TNFRSF25: variants seen among roughly 807,000 people sequenced by gnomAD.
TNFRSF25 encodes the protein tumor necrosis factor receptor superfamily member 25.
A neutral mutation model predicts 49.4 loss-of-function variants in TNFRSF25; 28 were observed. That is an observed-to-expected ratio of 0.57 (90% CI 0.42 to 0.78). The LOEUF is 0.78. Among genes scored for constraint, TNFRSF25 ranks in the 30% least tolerant of loss-of-function variants. The pLI is 0.00. For synonymous variants in TNFRSF25, 240 were observed against 234.2 expected (o/e 1.02, Z -0.23); for missense variants, 531 against 581.6 (o/e 0.91, Z 0.90).
At position 6,466,111 on chromosome 1, in the gene TNFRSF25, C is replaced by A. The variant is rs371034865; in HGVS notation, c.-4G>T. 1.8e-4 allele frequency: 272 copies of A among 1,545,340 alleles called. 1 individual carries two copies. The highest frequency in any genetic ancestry group is 2.0e-4 in the Non-Finnish European group (233 of 1,150,568). ...AGCCCCGCGGCCGCTGCTCCATAGC[C>A]CTCCGACGGGCGCCCAGGGGCTTCC... On this transcript the variant is annotated 5_prime_UTR_variant, in exon 1 of 10. Coordinates refer to ENST00000356876, the MANE Select transcript of TNFRSF25 (RefSeq NM_003790.3).
chr1:6,465,582 C>G (rs1350911964), intron 1 of TNFRSF25, 22 bp from the exon 2 acceptor site: 1 of 1,608,152 alleles, frequency 6.2e-7, no homozygotes, highest in East Asian at 2.2e-5. Context: ...GTGCTGCTGA[C>G]TCTCAGCGCA....
In TNFRSF25 at chr1:6,462,620, G is replaced by C. The variant is rs202239674; in HGVS notation, c.744+9C>G. 3 of 1,612,854 alleles carry C rather than the reference G, an allele frequency of 1.9e-6. No individual in the cohort carries two copies. Among genetic ancestry groups the C allele is most frequent in the Non-Finnish European group, 2.5e-6 (3 of 1,179,424 alleles). ...AAGGCAGCCCAGAATCACACAGTGA[G>C]GTTCTTACCGGTGGTGGGGTCAGAG... is the stretch of plus-strand genomic sequence containing the variant. On this transcript the variant is annotated intron_variant, in intron 8 of 9. Coordinates refer to ENST00000356876, the MANE Select transcript of TNFRSF25 (RefSeq NM_003790.3). The surrounding 1 kb of genome is among the most constrained non-coding windows in gnomAD (Gnocchi z 4.2).
rs376420075 is a variant in TNFRSF25 at position 6,462,616 on chromosome 1, G to A, written c.744+13C>T. 31 of 1,612,418 alleles carry A rather than the reference G, an allele frequency of 1.9e-5. No homozygotes were observed. In the South Asian group the frequency reaches 3.1e-4, roughly 16 times the overall value. ...CCAGAAGGCAGCCCAGAATCACACA[G>A]TGAGGTTCTTACCGGTGGTGGGGTC... On this transcript the variant is annotated intron_variant, in intron 8 of 9. Coordinates refer to ENST00000356876, the MANE Select transcript of TNFRSF25 (RefSeq NM_003790.3). This position sits in a 1 kb window ranked among gnomAD's most constrained non-coding sequence, Gnocchi z 4.2.
chr1:6,461,875 C>T lies in TNFRSF25; in HGVS notation c.926-113G>A. On this transcript the variant is annotated intron_variant, in intron 9 of 9. Transcript: ENST00000356876. This position sits in a 1 kb window ranked among gnomAD's most constrained non-coding sequence, Gnocchi z 6.3. ...CTGAAGCCCGCTGGATCCGGTGGGT[C>T]AGGGCATAGGGCGGACTCCGTCAGT... is the stretch of plus-strand genomic sequence containing the variant. 1.4e-6 allele frequency: 2 copies of T among 1,462,792 alleles called. No individual in the cohort carries two copies. Among genetic ancestry groups the T allele is most frequent in the East Asian group, 2.4e-5 (1 of 40,954 alleles). 90.6% of individuals were successfully genotyped at this position (1,462,792 alleles called of 1,614,324 possible).
intron 1 of TNFRSF25, 129 bp downstream of exon 1, chr1:6,465,940 G>A (rs1048699911): frequency 8.9e-6 from 13 of 1,456,850 alleles, no homozygotes; most frequent in African/African-American, 1.5e-5. Context: ...CCTTTAACGA[G>A]ATCGGAAAGG....
rs147457839 is a variant in TNFRSF25, at chr1:6,464,571, G to C, written c.444C>G (p.His148Gln). Residue 148 changes from histidine to glutamine, a missense_variant, in exon 4 of 10, where the codon CAC becomes CAG. Coordinates refer to ENST00000356876, the MANE Select transcript of TNFRSF25 (RefSeq NM_003790.3). The part of the protein sequence containing the change: ...CQPCLDCGAL[H>Q]RHTRLLCSRR... The stretch of plus-strand genomic sequence containing the variant: ...ACTCACAGAGTAGCCGTGTGTGGCG[G>C]TGCAGGGCCCCGCAGTCTAGGCATG... 12 of 1,614,064 alleles carry C rather than the reference G, an allele frequency of 7.4e-6. No individual in the cohort carries two copies. Among genetic ancestry groups the C allele is most frequent in the Non-Finnish European group, 9.3e-6 (11 of 1,180,044 alleles).
rs374954406 is a variant in TNFRSF25 at position 6,461,722 on chromosome 1, G to C, written c.966C>G (p.Ala322=). The part of the protein sequence containing the change: ...AAPTLSPESP[A]GSPAMMLQPG... ...GCTGCAGCATCATGGCTGGCGAGCC[G>C]GCTGGGGACTCTGGCGAGAGTGTGG... The change falls in exon 10 of 10, where the codon GCC becomes GCG. Residue 322 remains alanine (A), a synonymous_variant. Coordinates refer to ENST00000356876, the MANE Select transcript of TNFRSF25 (RefSeq NM_003790.3). This position sits in a 1 kb window ranked among gnomAD's most constrained non-coding sequence, Gnocchi z 6.3. 4.8e-5 allele frequency: 74 copies of C among 1,552,854 alleles called. No individual in the cohort carries two copies. The highest frequency in any genetic ancestry group is 6.0e-5 in the Non-Finnish European group (69 of 1,155,390).
At chr1:6,465,664 GC>G (rs1644336120) in intron 1 of TNFRSF25, 104 bp from the exon 2 acceptor site, 2 of 1,494,856 alleles carry the variant, frequency 1.3e-6, no homozygotes, top group Non-Finnish European at 1.8e-6. Context: ...CCACAGAGCA[GC>G]CCACTTCCCA....
At position 6,462,006 on chromosome 1, in the gene TNFRSF25, TG is replaced by T. The variant is rs1320360730; in HGVS notation, c.912del (p.Ser305AlafsTer23). ...PQVTWSWDQL[P>X]SRALGPAAAP... is the part of the protein sequence containing the mutation. ...TGATGTCCCTTACCAAGAGCTCTGC[TG>T]GGCAACTGGTCCCAGGACCATGTCA... is the stretch of plus-strand genomic sequence containing the variant. On this transcript the variant is annotated frameshift_variant, in exon 9 of 10. Transcript: ENST00000356876. LOFTEE classifies it low-confidence loss of function (END_TRUNC). This position sits in a 1 kb window ranked among gnomAD's most constrained non-coding sequence, Gnocchi z 4.2. 5.6e-6 allele frequency: 9 copies of T among 1,609,232 alleles called. No homozygotes were observed. Among genetic ancestry groups the T allele is most frequent in the Non-Finnish European group, 6.8e-6 (8 of 1,178,504 alleles).
chr1:6,465,757 G>A (rs1483403321), intron 1 of TNFRSF25, 197 bp from the exon 2 acceptor site: 2 of 1,427,978 alleles, frequency 1.4e-6, no homozygotes, highest in Non-Finnish European at 1.8e-6. Context: ...TTCGGAGGGG[G>A]CGCTTACCAG....
rs1471851463 is a variant in TNFRSF25, at chr1:6,464,469, GGCAT to G, written c.464-20_464-17del. 6.2e-7 allele frequency: 1 copy of G among 1,611,580 alleles called. No individual in the cohort carries two copies. Among genetic ancestry groups the G allele is most frequent in the South Asian group, 1.1e-5 (1 of 90,590 alleles). On this transcript the variant is annotated splice_polypyrimidine_tract_variant and intron_variant, in intron 4 of 9. Coordinates refer to ENST00000356876, the MANE Select transcript of TNFRSF25 (RefSeq NM_003790.3). Reference sequence around the variant, plus strand: ...CTGCGGGAACCTGCAATCCAGGAGAGGCATGCGTCACCATGGGACAGGAGTGGGT... The same window carrying G: ...CTGCGGGAACCTGCAATCCAGGAGAGGCGTCACCATGGGACAGGAGTGGGT...
In TNFRSF25 at chr1:6,461,547, G is replaced by C; in HGVS notation, c.1141C>G (p.Arg381Gly). ...CCCGCGGGCTGCTGCTGGCGCCAGC[G>C]CTTGAGCATCTCGTACTGCTGGTCT... ...FRDQQYEMLK[R>G]WRQQQPAGLG... The change falls in exon 10 of 10, where the codon CGC becomes GGC. Residue 381 changes from arginine (R) to glycine (G), a missense_variant. Coordinates refer to ENST00000356876, the MANE Select transcript of TNFRSF25 (RefSeq NM_003790.3). The surrounding 1 kb of genome is among the most constrained non-coding windows in gnomAD (Gnocchi z 6.3). The C allele has an allele frequency of 4.3e-6, 7 of 1,609,246 alleles. No homozygotes were observed. Among genetic ancestry groups the C allele is most frequent in the Non-Finnish European group, 5.9e-6 (7 of 1,179,228 alleles).
intron 1 of TNFRSF25, 198 bp from the exon 2 acceptor site, chr1:6,465,758 C>T (rs1181799720): frequency 2.0e-5 from 29 of 1,427,746 alleles, no homozygotes; most frequent in Non-Finnish European, 2.6e-5. Flanking sequence ...TCGGAGGGGG[C>T]GCTTACCAGC....
In TNFRSF25 at chr1:6,464,897, C is replaced by A. The variant is rs568437090; in HGVS notation, c.296-178G>T. ...GATTAAGGCCGACCAGAGGCCAAGG[C>A]ACATGGAGAGATGGGAAGGTCACCA... is the stretch of plus-strand genomic sequence containing the variant. On this transcript the variant is annotated intron_variant, in intron 3 of 9. Coordinates refer to ENST00000356876, the MANE Select transcript of TNFRSF25 (RefSeq NM_003790.3). Among the ~76,000 whole-genome samples the A allele has an allele frequency of 1.6e-3, 245 of 152,336 alleles. 1 individual carries two copies. The highest frequency in any genetic ancestry group is 5.3e-3 in the African/African-American group (220 of 41,580).
rs1333991032 is a variant in TNFRSF25, at chr1:6,462,676, A to C, written c.707-10T>G. 6.2e-7 allele frequency: 1 copy of C among 1,613,472 alleles called. No individual in the cohort carries two copies. Among genetic ancestry groups the C allele is most frequent in the East Asian group, 2.2e-5 (1 of 44,884 alleles). ...ATCCCAGCTTCATCTGCTGACAGACACAGAGAGATTGCGGTCAGCCACCAG... is the reference window on the plus strand; with the variant it reads ...ATCCCAGCTTCATCTGCTGACAGACCCAGAGAGATTGCGGTCAGCCACCAG... On this transcript the variant is annotated splice_polypyrimidine_tract_variant and intron_variant, in intron 7 of 9. Transcript: ENST00000356876. The surrounding 1 kb of genome is among the most constrained non-coding windows in gnomAD (Gnocchi z 4.2).
Position 6,462,091 on chromosome 1 carries a change from C to T in TNFRSF25, c.828G>A (p.Leu276=), listed in dbSNP as rs201648542. Residue 276 remains leucine, a synonymous_variant, in exon 9 of 10, where the codon TTG becomes TTA. Transcript: ENST00000356876. This position sits in a 1 kb window ranked among gnomAD's most constrained non-coding sequence, Gnocchi z 4.2. The stretch of plus-strand genomic sequence containing the variant: ...AGCCAGGGGTCCAGCTGTTACCCAC[C>T]AACTGGACGGTGCAGATCTTCTCAC... ...DSSEKICTVQ[L]VGNSWTPGYP... 11 of 1,613,992 alleles carry T rather than the reference C, an allele frequency of 6.8e-6. No individual in the cohort carries two copies. Among genetic ancestry groups the T allele is most frequent in the Non-Finnish European group, 8.5e-6 (10 of 1,179,988 alleles).
In TNFRSF25 at chr1:6,462,459, C is replaced by T. The variant is rs1473419194; in HGVS notation, c.744+170G>A. On this transcript the variant is annotated intron_variant, in intron 8 of 9. Transcript: ENST00000356876. The surrounding 1 kb of genome is among the most constrained non-coding windows in gnomAD (Gnocchi z 4.2). ...ATCTGAACTCCAGCTGACTGAGCACCCCTTGAGGGCAGGCACTGTGCTGGT... is the reference window on the plus strand; with the variant it reads ...ATCTGAACTCCAGCTGACTGAGCACTCCTTGAGGGCAGGCACTGTGCTGGT... 41 of 1,457,436 alleles carry T rather than the reference C, an allele frequency of 2.8e-5. No homozygotes were observed. The highest frequency in any genetic ancestry group is 3.5e-5 in the Non-Finnish European group (39 of 1,099,952). The allele number at this position is 1,457,436 out of a possible 1,614,324, so 90.3% of individuals were successfully genotyped here. A position where few individuals can be genotyped will look rare whatever the true frequency, so the allele number is the denominator to read the frequency against.
At position 6,462,840 on chromosome 1, in the gene TNFRSF25, C is replaced by A; in HGVS notation, c.706+23G>T. The A allele has an allele frequency of 1.3e-6, 2 of 1,590,420 alleles. No individual in the cohort carries two copies. Among genetic ancestry groups the A allele is most frequent in the Non-Finnish European group, 1.7e-6 (2 of 1,166,404 alleles). Reference sequence around the variant, plus strand: ...CATCCTGACCCCAGGCTTCTGGGTGCGTGTGTGGGTGTGTGTACTTACCAG... The same window carrying A: ...CATCCTGACCCCAGGCTTCTGGGTGAGTGTGTGGGTGTGTGTACTTACCAG... On this transcript the variant is annotated intron_variant, in intron 7 of 9. Coordinates refer to ENST00000356876, the MANE Select transcript of TNFRSF25 (RefSeq NM_003790.3). The surrounding 1 kb of genome is among the most constrained non-coding windows in gnomAD (Gnocchi z 4.2).
Position 6,461,865 on chromosome 1 carries a change from T to G in TNFRSF25, c.926-103A>C, listed in dbSNP as rs1644184478. ...TACCCCAGGGCTGAAGCCCGCTGGA[T>G]CCGGTGGGTCAGGGCATAGGGCGGA... is the stretch of plus-strand genomic sequence containing the variant. On this transcript the variant is annotated intron_variant, in intron 9 of 9. Coordinates refer to ENST00000356876, the MANE Select transcript of TNFRSF25 (RefSeq NM_003790.3). This position sits in a 1 kb window ranked among gnomAD's most constrained non-coding sequence, Gnocchi z 6.3. The G allele has an allele frequency of 6.9e-7, 1 of 1,455,088 alleles. No individual in the cohort carries two copies. Among genetic ancestry groups the G allele is most frequent in the African/African-American group, 1.4e-5 (1 of 70,522 alleles). The allele number at this position is 1,455,088 out of a possible 1,614,324, so 90.1% of individuals were successfully genotyped here.
Sources: allele counts gnomAD v4.1 joint callset (sites outside exome capture counted in the v4.1 genomes callset), GRCh38; gene constraint gnomAD v4.1.1; non-coding constraint Gnocchi (gnomAD v3.1); transcripts MANE v1.5; gene names NCBI Gene and HGNC (gene_info 2026-07-23, HGNC 2026-07-21).